The following PTPRM variants were observed in gnomAD, a reference collection of about 807,000 sequenced individuals.
The protein encoded by PTPRM is protein tyrosine phosphatase receptor type M.
A neutral mutation model predicts 186.7 loss-of-function variants in PTPRM; 47 were observed. The observed-to-expected ratio is 0.25, with a 90% CI of 0.20 to 0.32. PTPRM has a LOEUF of 0.32. Ranked by LOEUF, PTPRM falls within the 10% of genes least tolerant of loss-of-function variation. The pLI is 1.00. For synonymous variants in PTPRM, 668 were observed against 674.9 expected (o/e 0.99, Z 0.16); for missense variants, 1,494 against 1,865.0 (o/e 0.80, Z 3.66).
At chr18:8,386,944 T>A (rs8092412) in intron 30 of PTPRM, 128 bp from the exon 31 acceptor site, 2 of 958,860 alleles carry the variant, frequency 2.1e-6, no homozygotes, top group East Asian at 2.5e-5. Context: ...AGAAGCCACG[T>A]TGGTAATTTG....
intron 14 of PTPRM, among the ~76,000 whole-genome samples, chr18:8,204,267 A>G (rs2093896243): frequency 6.6e-6 from 1 of 151,962 alleles, no homozygotes; most frequent in African/African-American, 2.4e-5. Flanking sequence ...ACTTGTCATC[A>G]CTTACCATAC....
intron 2 of PTPRM, among the ~76,000 whole-genome samples, chr18:7,844,198 G>T (rs1009942842): frequency 6.6e-6 from 1 of 152,154 alleles, no homozygotes; most frequent in African/African-American, 2.4e-5. Context: ...TGTGTAACAG[G>T]ATATAAGTGT....
chr18:7,769,446 A>G (rs1466682995), intron 1 of PTPRM, among the ~76,000 whole-genome samples: 7 of 152,126 alleles, frequency 4.6e-5, no homozygotes, highest in South Asian at 2.1e-4. Flanking sequence ...TCAGATTTAT[A>G]TATTATTTTA....
chr18:7,575,903 A>G (rs1202188286), intron 1 of PTPRM, among the ~76,000 whole-genome samples: 1 of 152,202 alleles, frequency 6.6e-6, no homozygotes, highest in Non-Finnish European at 1.5e-5. Context: ...AAAACTTTAT[A>G]TGAAATGCAA....
At chr18:7,573,044 A>C (rs2036600224) in intron 1 of PTPRM, among the ~76,000 whole-genome samples, 1 of 152,178 alleles carries the variant, frequency 6.6e-6, no homozygotes, top group South Asian at 2.1e-4. Flanking sequence ...TTTAGTCACC[A>C]AGCTTCCTAG....
Position 8,004,620 on chromosome 18 carries a change from G to A in PTPRM, c.1132+49206G>A, listed in dbSNP as rs114570462. Among the ~76,000 whole-genome samples the A allele has an allele frequency of 4.1e-3, 620 of 152,188 alleles. 8 individuals carry two copies. Among genetic ancestry groups the A allele is most frequent in the African/African-American group, 0.014 (601 of 41,548 alleles). On this transcript the variant is annotated intron_variant, in intron 7 of 32. Transcript: ENST00000580170. ...ATGAAAGACATAATGAGGGAAAGCC[G>A]ATGGCATCAGGAAAGGGAGCAATGT...
chr18:7,821,620 GT>G (rs912602442), intron 2 of PTPRM, among the ~76,000 whole-genome samples: 1 of 152,074 alleles, frequency 6.6e-6, no homozygotes, highest in African/African-American at 2.4e-5. Context: ...CACAGAAAGA[GT>G]TGAACAACAA....
chr18:7,781,837 C>T (rs1436822392), intron 2 of PTPRM, among the ~76,000 whole-genome samples: 2 of 152,056 alleles, frequency 1.3e-5, no homozygotes. Flanking sequence ...TAATTCCAGT[C>T]ACTGAACCCA....
chr18:7,913,502 T>C (rs1242291900), intron 4 of PTPRM, among the ~76,000 whole-genome samples: 1 of 152,200 alleles, frequency 6.6e-6, no homozygotes, highest in East Asian at 1.9e-4. Context: ...AAGTTCCTTT[T>C]TCTTCCTAGT....
At chr18:7,736,748 T>C (rs151129660) in intron 1 of PTPRM, among the ~76,000 whole-genome samples, 1 of 152,216 alleles carries the variant, frequency 6.6e-6, no homozygotes, top group Non-Finnish European at 1.5e-5. Flanking sequence ...CTGGAATCTA[T>C]GAATAACATC....
intron 2 of PTPRM, among the ~76,000 whole-genome samples, chr18:7,799,643 A>G (rs995148351): frequency 6.6e-6 from 1 of 152,142 alleles, no homozygotes; most frequent in Non-Finnish European, 1.5e-5. Context: ...TAATTCCTTG[A>G]ACACCTTTGG....
At chr18:7,680,646 G>T (rs552542884) in intron 1 of PTPRM, among the ~76,000 whole-genome samples, 1 of 152,076 alleles carries the variant, frequency 6.6e-6, no homozygotes, top group Non-Finnish European at 1.5e-5. Flanking sequence ...ATGTTTCTTT[G>T]CTGCTTTACC....
chr18:7,851,383 G>T (rs191854100), intron 2 of PTPRM, among the ~76,000 whole-genome samples: 36 of 152,236 alleles, frequency 2.4e-4, no homozygotes, highest in Admixed American at 5.2e-4. Flanking sequence ...TAAACACAAA[G>T]AAAACTTATA....
intron 15 of PTPRM, 75 bp downstream of exon 15, chr18:8,244,284 C>CAA (rs71896963): frequency 0.13 from 144,878 of 1,076,816 alleles, 4,744 homozygotes; most frequent in African/African-American, 0.37. Flanking sequence ...TAGGGGATTT[C>CAA]AAAAAAAAAA....
At chr18:8,003,948 A>G (rs548940229) in intron 7 of PTPRM, among the ~76,000 whole-genome samples, 3 of 152,310 alleles carry the variant, frequency 2.0e-5, no homozygotes, top group Admixed American at 2.0e-4. Flanking sequence ...ATTCATTTCA[A>G]TGGGAGCTGA....
rs187953099 is a variant in PTPRM at position 8,148,953 on chromosome 18, G to A, written c.2300+5174G>A. ...CAGGTTGTTCAGTTTCCCTGTAGTT[G>A]TGCTGATTTGATTGAGTTTCTTAAT... On this transcript the variant is annotated intron_variant, in intron 14 of 32. Transcript: ENST00000580170. 2.0e-4 allele frequency among the ~76,000 whole-genome samples: 30 copies of A among 152,302 alleles called. No homozygotes were observed. In the East Asian group the frequency reaches 5.8e-3, roughly 29 times the overall value.
intron 20 of PTPRM, among the ~76,000 whole-genome samples, chr18:8,307,235 T>G (rs2095231339): frequency 6.6e-6 from 1 of 152,208 alleles, no homozygotes. Flanking sequence ...TTTCTTGTAT[T>G]CTGGAAGACA....
intron 4 of PTPRM, among the ~76,000 whole-genome samples, chr18:7,920,823 A>C (rs184502891): frequency 6.6e-5 from 10 of 152,214 alleles, no homozygotes; most frequent in Admixed American, 2.6e-4. Flanking sequence ...TTTGTCTGGG[A>C]AAGACTTTAT....
intron 1 of PTPRM, among the ~76,000 whole-genome samples, chr18:7,622,219 A>G (rs2037956632): frequency 2.0e-5 from 3 of 152,144 alleles, no homozygotes; most frequent in African/African-American, 7.2e-5. Flanking sequence ...ATGGCCTGCA[A>G]TTTCTGAAAT....
Sources: allele counts gnomAD v4.1 joint callset (sites outside exome capture counted in the v4.1 genomes callset), GRCh38; gene constraint gnomAD v4.1.1; transcripts MANE v1.5; gene names NCBI Gene and HGNC (gene_info 2026-07-23, HGNC 2026-07-21).